Variants in DPYD observed in about 807,000 individuals in gnomAD.
DPYD encodes dihydropyrimidine dehydrogenase, also known as dihydropyrimidine dehydrogenase [NADP(+)].
DPYD carries 109 observed loss-of-function variants against 116.2 expected under a neutral mutation model. That is an observed-to-expected ratio of 0.94 (90% confidence interval 0.80 to 1.10). DPYD has a LOEUF of 1.10. Ranked by LOEUF, DPYD falls within the 50% of genes least tolerant of loss-of-function variation. DPYD has a pLI of 0.00. For synonymous variants in DPYD, 440 were observed against 432.0 expected, an observed-to-expected ratio of 1.02 and a Z score of -0.23; for missense variants, 1,302 against 1,254.5, an observed-to-expected ratio of 1.04 and a Z score of -0.57.
chr1:97,359,646 G>C (rs1037378587), intron 16 of DPYD, among the ~76,000 whole-genome samples: 2 of 152,130 alleles, frequency 1.3e-5, no homozygotes, highest in South Asian at 2.1e-4. Context: ...GAGAGTGGGG[G>C]CCAATATACA....
chr1:97,625,146 T>TG (rs1656855208), intron 8 of DPYD, among the ~76,000 whole-genome samples: 1 of 152,086 alleles, frequency 6.6e-6, no homozygotes, highest in Non-Finnish European at 1.5e-5. Flanking sequence ...TTTGAGGTGA[T>TG]GGGGATGTTA....
intron 18 of DPYD, among the ~76,000 whole-genome samples, chr1:97,246,637 G>A (rs1405085117): frequency 6.6e-6 from 1 of 152,094 alleles, no homozygotes; most frequent in Non-Finnish European, 1.5e-5. Context: ...GTTGGGAAAT[G>A]GTATACAGTG....
intron 2 of DPYD, among the ~76,000 whole-genome samples, chr1:97,881,887 T>TA (rs975840336): frequency 6.6e-6 from 1 of 151,538 alleles, no homozygotes; most frequent in Non-Finnish European, 1.5e-5. Context: ...GGGATAGCAT[T>TA]AGGAGATATA....
At chr1:97,804,192 A>G (rs1280369331) in intron 3 of DPYD, among the ~76,000 whole-genome samples, 2 of 151,754 alleles carry the variant, frequency 1.3e-5, no homozygotes, top group African/African-American at 4.8e-5. Flanking sequence ...ACAAGAGCCT[A>G]TGTAGTGGGA....
intron 18 of DPYD, among the ~76,000 whole-genome samples, chr1:97,289,414 T>G (rs1411879091): frequency 6.6e-6 from 1 of 152,146 alleles, no homozygotes; most frequent in Non-Finnish European, 1.5e-5. Context: ...ATATCCTTGA[T>G]GAACATTGAT....
intron 5 of DPYD, among the ~76,000 whole-genome samples, chr1:97,712,145 G>C (rs1386824455): frequency 2.0e-5 from 3 of 151,758 alleles, no homozygotes; most frequent in Non-Finnish European, 4.4e-5. Flanking sequence ...ACTGCTTTAA[G>C]GCTCCTCCTG....
At chr1:97,110,962 G>T (rs1021744368) in intron 20 of DPYD, among the ~76,000 whole-genome samples, 8 of 151,940 alleles carry the variant, frequency 5.3e-5, no homozygotes, top group African/African-American at 1.9e-4. Flanking sequence ...GAGCCTAGGG[G>T]TTTGAGACCA....
chr1:97,290,195 C>G (rs1414180954), intron 18 of DPYD, among the ~76,000 whole-genome samples: 1 of 152,124 alleles, frequency 6.6e-6, no homozygotes, highest in Non-Finnish European at 1.5e-5. Context: ...AAAGAGGATA[C>G]AAGTGGAAGA....
At chr1:97,360,561 A>T (rs1670667886) in intron 16 of DPYD, among the ~76,000 whole-genome samples, 1 of 152,082 alleles carries the variant, frequency 6.6e-6, no homozygotes, top group Non-Finnish European at 1.5e-5. Flanking sequence ...GAAGTAAAGC[A>T]CTCCTCAGCA....
chr1:97,248,560 CAATT>C (rs1662877564), intron 18 of DPYD, among the ~76,000 whole-genome samples: 1 of 152,078 alleles, frequency 6.6e-6, no homozygotes, highest in South Asian at 2.1e-4. Flanking sequence ...ATTTGAAAAT[CAATT>C]AATGTAATTC....
intron 18 of DPYD, among the ~76,000 whole-genome samples, chr1:97,240,939 T>G (rs951809424): frequency 1.3e-5 from 2 of 151,984 alleles, no homozygotes; most frequent in Non-Finnish European, 2.9e-5. Context: ...CATAATTCAA[T>G]CAGAAACTGA....
At chr1:97,812,399 A>C (rs1668384577) in intron 3 of DPYD, among the ~76,000 whole-genome samples, 1 of 152,124 alleles carries the variant, frequency 6.6e-6, no homozygotes, top group South Asian at 2.1e-4. Flanking sequence ...GATAAACCTG[A>C]AATGTGATAA....
At chr1:97,381,304 C>T (rs1350784792) in intron 15 of DPYD, among the ~76,000 whole-genome samples, 2 of 152,020 alleles carry the variant, frequency 1.3e-5, no homozygotes, top group Non-Finnish European at 2.9e-5. Flanking sequence ...GTAATGTTGT[C>T]TATTTAAAAA....
intron 8 of DPYD, among the ~76,000 whole-genome samples, chr1:97,665,429 CT>C (rs761556831): frequency 2.7e-4 from 41 of 151,712 alleles, no homozygotes; most frequent in Non-Finnish European, 4.7e-4. Context: ...TTTGCTTTTT[CT>C]TTTTGTGTTT....
chr1:97,870,274 A>C (rs1037736215), intron 2 of DPYD, among the ~76,000 whole-genome samples: 1 of 151,940 alleles, frequency 6.6e-6, no homozygotes, highest in African/African-American at 2.4e-5. Context: ...TGACCATGCA[A>C]ATAGGGTATA....
chr1:97,159,425 G>T (rs1471721555), intron 20 of DPYD, among the ~76,000 whole-genome samples: 1 of 151,926 alleles, frequency 6.6e-6, no homozygotes, highest in African/African-American at 2.4e-5. Flanking sequence ...GAACATCTGG[G>T]ACTTGTGGAA....
chr1:97,735,339 T>C (rs891687136), intron 4 of DPYD, among the ~76,000 whole-genome samples: 1 of 152,120 alleles, frequency 6.6e-6, no homozygotes, highest in African/African-American at 2.4e-5. Context: ...AGACTTTTAA[T>C]AGTAAAATTG....
intron 4 of DPYD, among the ~76,000 whole-genome samples, chr1:97,734,090 T>A (rs1415929587): frequency 6.6e-6 from 1 of 152,094 alleles, no homozygotes; most frequent in Non-Finnish European, 1.5e-5. Flanking sequence ...GTGTGGTTAG[T>A]TTTTATTTTA....
Position 97,197,878 on chromosome 1 carries a change from G to T in DPYD, c.2443-4630C>A, listed in dbSNP as rs187276163. 3.9e-5 allele frequency among the ~76,000 whole-genome samples: 6 copies of T among 152,274 alleles called. No individual in the cohort carries two copies. The East Asian group carries it at 1.2e-3, about 29-fold the overall frequency. On this transcript the variant is annotated intron_variant, in intron 19 of 22. Transcript: ENST00000370192. ...AAGACTGGGATAGTGTGCAATGCTG[G>T]AAGCCCTGGAATCCACCATGAGACA... is the stretch of plus-strand genomic sequence containing the variant.
Sources: allele counts gnomAD v4.1 joint callset (sites outside exome capture counted in the v4.1 genomes callset), GRCh38; gene constraint gnomAD v4.1.1; transcripts MANE v1.5; gene names NCBI Gene and HGNC (gene_info 2026-07-23, HGNC 2026-07-21).